USP49: variants seen among roughly 807,000 people sequenced by gnomAD.
USP49 encodes the protein ubiquitin carboxyl-terminal hydrolase 49.
A neutral mutation model predicts 58.6 loss-of-function variants in USP49; 24 were observed. The ratio of observed to expected loss-of-function variants is 0.41; its 90% CI spans 0.30 to 0.58. The LOEUF is 0.58. USP49 is among the 20% of genes least tolerant of loss of function. USP49 has a pLI of 0.30. For missense variants in USP49, 703 were observed against 866.1 expected (o/e 0.81, Z 2.36); for synonymous variants, 408 against 365.1 (o/e 1.12, Z -1.34).
chr6:41,824,072 T>G (rs1773496247), intron 3 of USP49, among the ~76,000 whole-genome samples: 1 of 152,180 alleles, frequency 6.6e-6, no homozygotes, highest in Non-Finnish European at 1.5e-5. Flanking sequence ...TAGTTAAACC[T>G]AATCAAAATA....
rs1276358335 is a variant in USP49, at chr6:41,796,523, T to C, written c.*10A>G. On this transcript the variant is annotated 3_prime_UTR_variant, in exon 8 of 8. Transcript: ENST00000682992. ...TACACAAAAGCCAGTCTTTGATACA[T>C]GCCTCCCATTCAGGAAAATGTCTGT... 1 of 716,826 alleles carries C rather than the reference T, an allele frequency of 1.4e-6. No homozygotes were observed. The highest frequency in any genetic ancestry group is 2.0e-5 in the Admixed American group (1 of 49,976). The allele number at this position is 716,826 out of a possible 1,614,324, so 44.4% of individuals were successfully genotyped here. A position where few individuals can be genotyped will look rare whatever the true frequency, so the allele number is the denominator to read the frequency against.
intron 3 of USP49, among the ~76,000 whole-genome samples, chr6:41,841,043 C>A (rs1773818934): frequency 6.6e-6 from 1 of 151,576 alleles, no homozygotes; most frequent in African/African-American, 2.4e-5. Context: ...CAAAAAAAAA[C>A]CTTTTTACTA....
Position 41,871,554 on chromosome 6 carries a change from T to C in USP49, c.-29+10A>G, listed in dbSNP as rs1438362606. On this transcript the variant is annotated intron_variant, in intron 3 of 7. Coordinates refer to ENST00000682992, the MANE Select transcript of USP49 (RefSeq NM_001286554.2). ...ATTAATAATGTTTTATTACAGTTTTTATTTCTTACCCATTAAACAAGTTTT... is the reference window on the plus strand; with the variant it reads ...ATTAATAATGTTTTATTACAGTTTTCATTTCTTACCCATTAAACAAGTTTT... 2.6e-5 allele frequency: 4 copies of C among 152,238 alleles called. No individual in the cohort carries two copies. Among genetic ancestry groups the C allele is most frequent in the African/African-American group, 9.6e-5 (4 of 41,464 alleles). 9.4% of individuals were successfully genotyped at this position (152,238 alleles called of 1,614,324 possible).
intron 3 of USP49, among the ~76,000 whole-genome samples, chr6:41,843,158 G>C (rs1391320439): frequency 6.6e-6 from 1 of 152,140 alleles, no homozygotes; most frequent in African/African-American, 2.4e-5. Flanking sequence ...TACAGGCGTA[G>C]GCCACCACGC....
At chr6:41,824,777 GA>G (rs1582004769) in intron 3 of USP49, among the ~76,000 whole-genome samples, 2 of 152,296 alleles carry the variant, frequency 1.3e-5, no homozygotes, top group East Asian at 3.9e-4. Flanking sequence ...TCAAATTAAA[GA>G]AAGCAGAATC....
At chr6:41,885,768 C>A (rs1410561938) in intron 2 of USP49, among the ~76,000 whole-genome samples, 1 of 152,096 alleles carries the variant, frequency 6.6e-6, no homozygotes, top group Admixed American at 6.6e-5. Flanking sequence ...TGCACTCCAG[C>A]CTGGGGGACA....
Position 41,821,436 on chromosome 6 carries a change from C to G in USP49, c.-28-14425G>C, listed in dbSNP as rs199657783. Among the ~76,000 whole-genome samples the G allele has an allele frequency of 2.0e-5, 3 of 152,138 alleles. No individual in the cohort carries two copies. The East Asian group carries it at 5.8e-4, about 29-fold the overall frequency. On this transcript the variant is annotated intron_variant, in intron 3 of 7. Transcript: ENST00000682992. ...GTCTGTTGAAATGCCCTTGCTTAGC[C>G]AAATGTTGTTCTCTCTTTCTGAAAC... is the stretch of plus-strand genomic sequence containing the variant.
At position 41,813,456 on chromosome 6, in the gene USP49, TA is replaced by T. The variant is rs541734536; in HGVS notation, c.-28-6446del. On this transcript the variant is annotated intron_variant, in intron 3 of 7. Transcript: ENST00000682992. ...TGCCTCGCAAAATCAACTCCTCTGCTAAAAAAAAATATGCTGGAACAACCAA... is the reference window on the plus strand; with the variant it reads ...TGCCTCGCAAAATCAACTCCTCTGCTAAAAAAAATATGCTGGAACAACCAA... Among the ~76,000 whole-genome samples the T allele has an allele frequency of 6.6e-3, 987 of 150,606 alleles. 5 individuals are homozygous for T. Among genetic ancestry groups the T allele is most frequent in the Non-Finnish European group, 9.5e-3 (641 of 67,556 alleles).
At chr6:41,854,190 G>A (rs1487728578) in intron 3 of USP49, among the ~76,000 whole-genome samples, 3 of 151,084 alleles carry the variant, frequency 2.0e-5, no homozygotes, top group Admixed American at 6.6e-5. Context: ...GGTGGTGTGC[G>A]CCTGTAGTCC....
Position 41,802,428 on chromosome 6 carries a change from T to TTTTATTTTATTTATTTA in USP49, c.1561+1377_1561+1378insTAAATAAATAAAATAAA, listed in dbSNP as rs10688447. Among the ~76,000 whole-genome samples, 16 of 106,428 alleles carry TTTTATTTTATTTATTTA rather than the reference T, an allele frequency of 1.5e-4. No homozygotes were observed. In the East Asian group the frequency reaches 2.1e-3, roughly 14 times the overall value. The allele number at this position is 106,428 out of a possible 152,430, so 69.8% of individuals were successfully genotyped here. A position where few individuals can be genotyped will look rare whatever the true frequency, so the allele number is the denominator to read the frequency against. ...TTATTTTTTATTTTATTTTATTTTA[T>TTTTATTTTATTTATTTA]TTTATTTATTTATTTATTTATTTAT... On this transcript the variant is annotated intron_variant, in intron 5 of 7. Coordinates refer to ENST00000682992, the MANE Select transcript of USP49 (RefSeq NM_001286554.2).
At chr6:41,858,025 GGT>G (rs144521392) in intron 3 of USP49, among the ~76,000 whole-genome samples, 3 of 151,732 alleles carry the variant, frequency 2.0e-5, no homozygotes, top group African/African-American at 7.3e-5. Context: ...ATGCAAATGG[GGT>G]GTGTGTGTGT....
At chr6:41,827,861 A>G (rs1561910966) in intron 3 of USP49, among the ~76,000 whole-genome samples, 1 of 152,088 alleles carries the variant, frequency 6.6e-6, no homozygotes, top group Non-Finnish European at 1.5e-5. Context: ...AATAATTTCA[A>G]CCCCATTTTA....
rs1773109321 is a variant in USP49, at chr6:41,805,943, G to A, written c.1041C>T (p.Asn347=). The change falls in exon 4 of 8, where the codon AAC becomes AAT. Residue 347 remains asparagine, a synonymous_variant. Transcript: ENST00000682992. ...SISRSLELIQ[N]KEPSSKHISL... ...AAATGTGCTTTGAACTCGGCTCCTT[G>A]TTCTGGATGAGCTCCAGACTCCGAC... 2.5e-6 allele frequency: 4 copies of A among 1,613,930 alleles called. No homozygotes were observed. Among genetic ancestry groups the A allele is most frequent in the Middle Eastern group, 1.6e-4 (1 of 6,062 alleles).
At chr6:41,872,300 A>G (rs1774423616) in intron 2 of USP49, among the ~76,000 whole-genome samples, 1 of 152,238 alleles carries the variant, frequency 6.6e-6, no homozygotes, top group Non-Finnish European at 1.5e-5. Context: ...AAAATTCTCT[A>G]TTGTGTCATC....
chr6:41,807,600 C>G (rs1773165073), intron 3 of USP49, among the ~76,000 whole-genome samples: 2 of 152,036 alleles, frequency 1.3e-5, no homozygotes, highest in Non-Finnish European at 2.9e-5. Context: ...CGCCACCACA[C>G]CCGGCTAATT....
At chr6:41,881,288 CAAAAAAAAAAAAAAAAA>C (rs57022965) in intron 2 of USP49, among the ~76,000 whole-genome samples, 5 of 20,388 alleles carry the variant, frequency 2.5e-4, no homozygotes, top group African/African-American at 9.9e-4. Flanking sequence ...CATTAAATAC[CAAAAAAAAAAAAAAAAA>C]AAAAAAAAAA....
In USP49 at chr6:41,806,915, C is replaced by A; in HGVS notation, c.69G>T (p.Lys23Asn). The A allele has an allele frequency of 1.2e-6, 2 of 1,613,714 alleles. No individual in the cohort carries two copies. Among genetic ancestry groups the A allele is most frequent in the Non-Finnish European group, 1.7e-6 (2 of 1,179,944 alleles). ...AQDHSILNPQ[K>N]WCCLECATTE... ...TGGTGGCACACTCTAAGCAGCACCA[C>A]TTCTGAGGGTTCAGGATGGAGTGGT... Residue 23 changes from lysine to asparagine, a missense_variant, in exon 4 of 8, where the codon AAG (lysine) becomes AAT (asparagine). By Grantham distance (94) the Lys-to-Asn change is moderately conservative. Around this residue, in one of 6 missense-constraint regions of USP49, gnomAD observed 376 missense variants for 373.5 expected, o/e 1.01. Transcript: ENST00000682992. This position sits in a 1 kb window ranked among gnomAD's most constrained non-coding sequence, Gnocchi z 5.9.
chr6:41,849,436 T>C (rs1162720005), intron 3 of USP49, among the ~76,000 whole-genome samples: 1 of 152,088 alleles, frequency 6.6e-6, no homozygotes, highest in Admixed American at 6.6e-5. Context: ...AACAACATTA[T>C]ACACCAAATG....
At chr6:41,855,054 G>A (rs1439328155) in intron 3 of USP49, among the ~76,000 whole-genome samples, 2 of 151,950 alleles carry the variant, frequency 1.3e-5, no homozygotes, top group Non-Finnish European at 2.9e-5. Context: ...GATTACGGGT[G>A]TGAGCCATTG....
Sources: gnomAD v4.1 joint callset for allele counts (sites outside exome capture counted in the v4.1 genomes callset) on GRCh38, gnomAD v4.1.1 for gene constraint, gnomAD v4.1.1 regional missense constraint, Gnocchi (gnomAD v3.1) non-coding constraint, MANE v1.5 for transcripts, NCBI Gene and HGNC (gene_info 2026-07-23, HGNC 2026-07-21) for gene names.